RFC3: variants seen among roughly 807,000 people sequenced by gnomAD.
The protein encoded by RFC3 is replication factor C subunit 3.
In RFC3, 41 loss-of-function variants were observed where a neutral mutation model predicts 45.1. The ratio of observed to expected loss-of-function variants is 0.91; its 90% CI spans 0.71 to 1.18. The LOEUF (loss-of-function observed/expected upper bound fraction) is 1.18. Ranked by LOEUF, RFC3 falls within the 50% of genes most tolerant of loss-of-function variation. The pLI is 0.00. For missense variants in RFC3, 423 were observed against 428.1 expected (o/e 0.99, Z 0.10); for synonymous variants, 149 against 144.0 (o/e 1.03, Z -0.25).
intron 8 of RFC3, among the ~76,000 whole-genome samples, chr13:33,899,584 G>A (rs1182830831): frequency 6.6e-6 from 1 of 151,756 alleles, no homozygotes; most frequent in African/African-American, 2.4e-5. Context: ...TTTACTGAAT[G>A]CAAAAAATTG....
chr13:33,852,379 C>T (rs1225466605), intron 8 of RFC3, among the ~76,000 whole-genome samples: 2 of 152,128 alleles, frequency 1.3e-5, no homozygotes, highest in Admixed American at 1.3e-4. Context: ...GTAAGGAGGC[C>T]TAAAGTCTAG....
At chr13:33,934,637 G>T (rs1424583306) in intron 8 of RFC3, among the ~76,000 whole-genome samples, 3 of 152,056 alleles carry the variant, frequency 2.0e-5, no homozygotes, top group Non-Finnish European at 4.4e-5. Context: ...TATGGTCAAT[G>T]CTGACCCCAC....
intron 8 of RFC3, among the ~76,000 whole-genome samples, chr13:33,896,886 A>G (rs2137653525): frequency 1.3e-5 from 2 of 152,188 alleles, no homozygotes; most frequent in Middle Eastern, 3.4e-3. Context: ...TACTGTATCT[A>G]GCAAAGCTAT....
intron 8 of RFC3, among the ~76,000 whole-genome samples, chr13:33,907,023 G>T (rs1222961047): frequency 1.3e-5 from 2 of 151,894 alleles, no homozygotes; most frequent in Non-Finnish European, 2.9e-5. Flanking sequence ...ATAGTGATAG[G>T]GTCTCACTAT....
At chr13:33,852,159 A>G (rs939100762) in intron 8 of RFC3, among the ~76,000 whole-genome samples, 1 of 152,210 alleles carries the variant, frequency 6.6e-6, no homozygotes, top group Non-Finnish European at 1.5e-5. Context: ...TCATCCAGGA[A>G]TAATTGTTTC....
chr13:33,912,175 T>C (rs1312626299), intron 8 of RFC3, among the ~76,000 whole-genome samples: 1 of 152,098 alleles, frequency 6.6e-6, no homozygotes, highest in African/African-American at 2.4e-5. Context: ...AATCTAGATA[T>C]ACTGTTTTGC....
intron 8 of RFC3, among the ~76,000 whole-genome samples, chr13:33,900,143 G>A (rs2082630510): frequency 6.6e-6 from 1 of 151,654 alleles, no homozygotes; most frequent in African/African-American, 2.4e-5. Flanking sequence ...CTATCAAAAC[G>A]CCAATGACAT....
intron 8 of RFC3, among the ~76,000 whole-genome samples, chr13:33,881,329 T>C (rs1017682945): frequency 3.3e-5 from 5 of 152,144 alleles, no homozygotes; most frequent in Admixed American, 6.5e-5. Flanking sequence ...AGAATATTCA[T>C]TCGTTAGTTC....
intron 8 of RFC3, among the ~76,000 whole-genome samples, chr13:33,893,023 T>C (rs1296760707): frequency 6.6e-6 from 1 of 151,996 alleles, no homozygotes; most frequent in Non-Finnish European, 1.5e-5. Flanking sequence ...CCTTAACTCA[T>C]GGAAAGCATT....
Position 33,890,866 on chromosome 13 carries a change from C to T in RFC3, c.879+55649C>T, listed in dbSNP as rs763219569. 5.9e-5 allele frequency among the ~76,000 whole-genome samples: 9 copies of T among 152,142 alleles called. 1 individual carries two copies. Among genetic ancestry groups the T allele is most frequent in the Non-Finnish European group, 1.0e-4 (7 of 68,026 alleles). On this transcript the variant is annotated intron_variant, in intron 8 of 8. Coordinates refer to the RFC3 transcript ENST00000434425. The stretch of plus-strand genomic sequence containing the variant: ...GGGATTCCTTAATCCATTCCTATTC[C>T]TTTTATACCATGCTTTCTTCTAGAT...
intron 8 of RFC3, among the ~76,000 whole-genome samples, chr13:33,905,657 A>G (rs774439253): frequency 3.3e-5 from 5 of 152,094 alleles, no homozygotes; most frequent in Non-Finnish European, 5.9e-5. Context: ...TGATTGCTAC[A>G]ATATGAAGCT....
At chr13:33,931,476 G>C (rs1308740788) in intron 8 of RFC3, among the ~76,000 whole-genome samples, 1 of 152,086 alleles carries the variant, frequency 6.6e-6, no homozygotes, top group Non-Finnish European at 1.5e-5. Context: ...CTGAGTGTGA[G>C]ACAAGATATT....
At chr13:33,835,295 A>G (rs777082937) in intron 8 of RFC3, 78 bp downstream of exon 8, 1 of 871,576 alleles carries the variant, frequency 1.1e-6, no homozygotes, top group Non-Finnish European at 2.0e-6. Flanking sequence ...GGCTTTTTGC[A>G]GTATCAAGAT....
chr13:33,929,072 G>A (rs2082835413), intron 8 of RFC3, among the ~76,000 whole-genome samples: 1 of 151,852 alleles, frequency 6.6e-6, no homozygotes, highest in Admixed American at 6.6e-5. Context: ...TAGATTAAAA[G>A]GATTTAAAGG....
intron 1 of RFC3, among the ~76,000 whole-genome samples, chr13:33,818,881 G>GTTTTTTT (rs72236854): frequency 2.7e-5 from 3 of 112,040 alleles, no homozygotes; most frequent in South Asian, 2.7e-4. Context: ...CCTGAGATTA[G>GTTTTTTT]TTTTTTTTTT....
chr13:33,977,013 C>T, the RFC3 span, among the ~76,000 whole-genome samples: 1 of 152,020 alleles, frequency 6.6e-6, no homozygotes, highest in Non-Finnish European at 1.5e-5. Flanking sequence ...GGGCTTCCTT[C>T]CAAAAATTCA....
intron 8 of RFC3, among the ~76,000 whole-genome samples, chr13:33,873,622 T>C (rs895843035): frequency 1.3e-5 from 2 of 152,212 alleles, no homozygotes; most frequent in Non-Finnish European, 2.9e-5. Flanking sequence ...AAGCAGGCAC[T>C]CTAGATTCTG....
intron 6 of RFC3, among the ~76,000 whole-genome samples, 193 bp from the exon 7 acceptor site, chr13:33,831,063 C>T (rs765486243): frequency 3.3e-5 from 5 of 152,166 alleles, no homozygotes; most frequent in East Asian, 1.9e-4. Flanking sequence ...ATACGGTTCA[C>T]GCTCCTATCA....
At chr13:33,854,285 G>A (rs373095685) in intron 8 of RFC3, among the ~76,000 whole-genome samples, 1 of 152,074 alleles carries the variant, frequency 6.6e-6, no homozygotes, top group Non-Finnish European at 1.5e-5. Context: ...TGCCTGAGAC[G>A]GAAAGCAAAG....
Sources: gnomAD v4.1 joint callset for allele counts (sites outside exome capture counted in the v4.1 genomes callset) on GRCh38, gnomAD v4.1.1 for gene constraint, MANE v1.5 for transcripts, NCBI Gene and HGNC (gene_info 2026-07-23, HGNC 2026-07-21) for gene names.